Variants in ACACA observed in about 807,000 individuals in gnomAD.
The protein encoded by ACACA is acetyl-CoA carboxylase 1.
In ACACA, 103 loss-of-function variants were observed where a neutral mutation model predicts 296.1. The ratio of observed to expected loss-of-function variants is 0.35; its 90% confidence interval spans 0.30 to 0.41. ACACA has a LOEUF of 0.41. Among genes scored for constraint, ACACA ranks in the 10% least tolerant of loss-of-function variants. The pLI is 1.00. For missense variants in ACACA, 1,554 were observed against 2,989.7 expected, an observed-to-expected ratio of 0.52 and a Z score of 11.20; for synonymous variants, 953 against 1,038.6, an observed-to-expected ratio of 0.92 and a Z score of 1.58.
intron 39 of ACACA, among the ~76,000 whole-genome samples, 199 bp from the exon 40 acceptor site, chr17:37,181,555 T>G (rs1430723800): frequency 6.6e-6 from 1 of 151,946 alleles, no homozygotes; most frequent in South Asian, 2.1e-4. Flanking sequence ...AATATATATA[T>G]ATAACCAGCC....
chr17:37,400,255 G>C (rs1383180323), intron 1 of ACACA, among the ~76,000 whole-genome samples: 1 of 152,054 alleles, frequency 6.6e-6, no homozygotes, highest in African/African-American at 2.4e-5. Context: ...GAGTAGTTGG[G>C]ATTACAGGCA....
At chr17:37,227,664 T>C (rs928813574) in intron 25 of ACACA, among the ~76,000 whole-genome samples, 2 of 152,036 alleles carry the variant, frequency 1.3e-5, no homozygotes, top group Non-Finnish European at 2.9e-5. Flanking sequence ...GTCGAGACCA[T>C]CCTGGCTAAC....
rs1264005815 is a variant in ACACA, at chr17:37,258,335, G to T, written c.1539C>A (p.Ile513=). 3.1e-6 allele frequency: 5 copies of T among 1,613,866 alleles called. No individual in the cohort carries two copies. The highest frequency in any genetic ancestry group is 4.2e-6 in the Non-Finnish European group (5 of 1,179,948). Residue 513 remains isoleucine (I), a synonymous_variant, in exon 13 of 56, where the codon ATC becomes ATA. Transcript: ENST00000616317. ...AGGGAGATACCCCATACATCATACG[G>T]ATATCCTTGATTCTATATAGAGGAA... The part of the protein sequence containing the change: ...MGIPLYRIKD[I]RMMYGVSPWG...
intron 14 of ACACA, among the ~76,000 whole-genome samples, chr17:37,255,136 G>A (rs1266694810): frequency 6.6e-6 from 1 of 152,000 alleles, no homozygotes; most frequent in Non-Finnish European, 1.5e-5. Flanking sequence ...TGAGTTCAGG[G>A]AATGGTATGA....
At chr17:37,270,225 T>C in intron 10 of ACACA, among the ~76,000 whole-genome samples, 1 of 152,264 alleles carries the variant, frequency 6.6e-6, no homozygotes, top group African/African-American at 2.4e-5. Flanking sequence ...GGCTAGGGTA[T>C]AGAGTGCTGG....
rs543815194 is a variant in ACACA at position 37,386,342 on chromosome 17, A to T, written c.38+19920T>A. Reference sequence around the variant, plus strand: ...TGCTGTGGCTCATGTCTGTAATCCTAGCACTTTGGGAGGCCGAGGTGGGCG... The same window carrying T: ...TGCTGTGGCTCATGTCTGTAATCCTTGCACTTTGGGAGGCCGAGGTGGGCG... On this transcript the variant is annotated intron_variant, in intron 1 of 55. Transcript: ENST00000616317. Among the ~76,000 whole-genome samples, 107 of 152,232 alleles carry T rather than the reference A, an allele frequency of 7.0e-4. 1 individual carries two copies. The Middle Eastern group carries it at 0.01, about 15-fold the overall frequency.
intron 48 of ACACA, 95 bp downstream of exon 48, chr17:37,125,603 A>C: frequency 8.9e-7 from 1 of 1,117,916 alleles, no homozygotes; most frequent in Non-Finnish European, 1.3e-6. Context: ...TCAGACAAAG[A>C]GAACATTATT....
intron 42 of ACACA, among the ~76,000 whole-genome samples, chr17:37,157,443 T>C (rs1404173880): frequency 1.3e-5 from 2 of 152,194 alleles, no homozygotes; most frequent in African/African-American, 4.8e-5. Context: ...TCTTTGGCTT[T>C]TACTTGAATG....
chr17:37,266,154 C>A (rs1471137928), intron 10 of ACACA, among the ~76,000 whole-genome samples: 2 of 152,138 alleles, frequency 1.3e-5, no homozygotes, highest in Non-Finnish European at 2.9e-5. Context: ...TGGCTTATGT[C>A]TGTGATCCCA....
chr17:37,149,645 G>A (rs1054401536), intron 45 of ACACA, among the ~76,000 whole-genome samples: 1 of 152,182 alleles, frequency 6.6e-6, no homozygotes, highest in Non-Finnish European at 1.5e-5. Flanking sequence ...CTAGAAAACA[G>A]TAAGTACTCA....
chr17:37,351,927 A>AT lies in ACACA; in HGVS notation c.39-12078dup, dbSNP rs34937393. On this transcript the variant is annotated intron_variant, in intron 1 of 55. Coordinates refer to ENST00000616317, the MANE Select transcript of ACACA (RefSeq NM_198834.3). ...TAAACACCAGGCTTTCACAGGCTGCATTTTTTTTTTTTTTTTTTTTTGAGA... is the reference window on the plus strand; with the variant it reads ...TAAACACCAGGCTTTCACAGGCTGCATTTTTTTTTTTTTTTTTTTTTTGAGA... 4.5e-3 allele frequency among the ~76,000 whole-genome samples: 505 copies of AT among 112,636 alleles called. 7 individuals carry two copies. Among genetic ancestry groups the AT allele is most frequent in the East Asian group, 0.011 (46 of 4,106 alleles). The allele number at this position is 112,636 out of a possible 152,430, so 73.9% of individuals were successfully genotyped here. A position where few individuals can be genotyped will look rare whatever the true frequency, so the allele number is the denominator to read the frequency against.
At chr17:37,212,961 T>C (rs1430636404) in intron 29 of ACACA, among the ~76,000 whole-genome samples, 8 of 148,460 alleles carry the variant, frequency 5.4e-5, no homozygotes, top group African/African-American at 1.5e-4. Context: ...ACGAGTCAAA[T>C]ATTCCATTTA....
intron 3 of ACACA, chr17:37,299,735 C>T (rs563060221): frequency 4.6e-5 from 46 of 1,002,048 alleles, no homozygotes; most frequent in South Asian, 2.2e-4. Context: ...TGACAGTCAA[C>T]GGAGAAAAGC....
intron 2 of ACACA, among the ~76,000 whole-genome samples, chr17:37,339,008 A>G (rs1462540721): frequency 1.0e-5 from 1 of 99,652 alleles, no homozygotes; most frequent in Admixed American, 1.1e-4. Context: ...AGGGAAAAAG[A>G]AAGAAAGGGG....
In ACACA at chr17:37,113,411, G is replaced by T; in HGVS notation, c.6275-146C>A. 1 of 780,190 alleles carries T rather than the reference G, an allele frequency of 1.3e-6. No individual in the cohort carries two copies. Among genetic ancestry groups the T allele is most frequent in the South Asian group, 1.5e-5 (1 of 66,596 alleles). The allele number at this position is 780,190 out of a possible 1,614,324, so 48.3% of individuals were successfully genotyped here. ...CACCCTATAGACTAAAGGGAGTATC[G>T]ACCTGTATCCCATTCAAGACTCCAG... On this transcript the variant is annotated intron_variant, in intron 50 of 55. Coordinates refer to ENST00000616317, the MANE Select transcript of ACACA (RefSeq NM_198834.3). The surrounding 1 kb of genome is among the most constrained non-coding windows in gnomAD (Gnocchi z 4.0).
chr17:37,284,038 T>C (rs533640051), intron 4 of ACACA, among the ~76,000 whole-genome samples: 2 of 152,298 alleles, frequency 1.3e-5, no homozygotes, highest in African/African-American at 4.8e-5. Flanking sequence ...TCTGTCTTTA[T>C]TGGAAGACTA....
intron 49 of ACACA, among the ~76,000 whole-genome samples, chr17:37,122,063 G>A (rs2074552455): frequency 1.3e-5 from 2 of 152,142 alleles, no homozygotes; most frequent in Non-Finnish European, 2.9e-5. Context: ...CTTGAGCCCA[G>A]GAGGTCAAGG....
intron 5 of ACACA, among the ~76,000 whole-genome samples, chr17:37,283,003 C>T (rs1160794367): frequency 6.6e-6 from 1 of 152,190 alleles, no homozygotes; most frequent in Non-Finnish European, 1.5e-5. Context: ...AAAAGGCATA[C>T]ACTTGAAAGC....
chr17:37,097,256 C>T lies in ACACA; in HGVS notation c.6721-90G>A. On this transcript the variant is annotated intron_variant, in intron 53 of 55. Transcript: ENST00000616317. The surrounding 1 kb of genome is among the most constrained non-coding windows in gnomAD (Gnocchi z 4.8). ...AAACCCACAGGCATAAAAACTGATT[C>T]TCCAGGCAAGCCCTTCACAGACCCA... 1 of 1,471,054 alleles carries T rather than the reference C, an allele frequency of 6.8e-7. No individual in the cohort carries two copies. Among genetic ancestry groups the T allele is most frequent in the Admixed American group, 1.9e-5 (1 of 52,730 alleles). The allele number at this position is 1,471,054 out of a possible 1,614,324, so 91.1% of individuals were successfully genotyped here. A position where few individuals can be genotyped will look rare whatever the true frequency, so the allele number is the denominator to read the frequency against.
Sources: allele counts gnomAD v4.1 joint callset (sites outside exome capture counted in the v4.1 genomes callset), GRCh38; gene constraint gnomAD v4.1.1; non-coding constraint Gnocchi (gnomAD v3.1); transcripts MANE v1.5; gene names NCBI Gene and HGNC (gene_info 2026-07-23, HGNC 2026-07-21).